Variants in TNRC6A observed in about 807,000 individuals in gnomAD.
TNRC6A encodes the protein trinucleotide repeat-containing gene 6A protein.
A neutral mutation model predicts 221.2 loss-of-function variants in TNRC6A; 44 were observed. The ratio of observed to expected loss-of-function variants is 0.20; its 90% confidence interval spans 0.16 to 0.26. The LOEUF (loss-of-function observed/expected upper bound fraction) is 0.26, where lower values mean the gene tolerates loss of function less well. Ranked by LOEUF, TNRC6A falls within the 10% of genes least tolerant of loss-of-function variation. The pLI is 1.00. For synonymous variants in TNRC6A, 847 were observed against 838.5 expected (o/e 1.01, Z -0.18); for missense variants, 2,199 against 2,404.4 (o/e 0.91, Z 1.79).
intron 23 of TNRC6A, among the ~76,000 whole-genome samples, 171 bp from the exon 24 acceptor site, chr16:24,822,703 G>A (rs1037977039): frequency 6.6e-6 from 1 of 152,146 alleles, no homozygotes; most frequent in Non-Finnish European, 1.5e-5. Context: ...CAGTGGAGGT[G>A]GGGAAGATGG....
chr16:24,721,702 G>A (rs1343358696), intron 2 of TNRC6A, among the ~76,000 whole-genome samples: 1 of 152,172 alleles, frequency 6.6e-6, no homozygotes, highest in Non-Finnish European at 1.5e-5. Flanking sequence ...AGCTACTCGT[G>A]AGGCTGAGGT....
At chr16:24,643,645 A>G (rs1902115376) in intron 2 of TNRC6A, among the ~76,000 whole-genome samples, 1 of 151,998 alleles carries the variant, frequency 6.6e-6, no homozygotes, top group South Asian at 2.1e-4. Context: ...TTGAGTCAAC[A>G]TCTTCCTCTA....
intron 1 of TNRC6A, among the ~76,000 whole-genome samples, chr16:24,632,165 A>G (rs1901381079): frequency 6.6e-6 from 1 of 152,088 alleles, no homozygotes. Flanking sequence ...TCCTTGTTTG[A>G]AAGTCTCATA....
intron 11 of TNRC6A, among the ~76,000 whole-genome samples, chr16:24,798,398 C>T (rs573586891): frequency 4.6e-5 from 7 of 152,152 alleles, no homozygotes; most frequent in Admixed American, 2.0e-4. Context: ...AAAACAAGGT[C>T]GGTGCTGAGT....
At chr16:24,748,881 T>C (rs1272119375) in intron 2 of TNRC6A, among the ~76,000 whole-genome samples, 2 of 152,136 alleles carry the variant, frequency 1.3e-5, no homozygotes, top group Non-Finnish European at 2.9e-5. Context: ...CTGCCTGATA[T>C]TCCTTTTTTT....
intron 2 of TNRC6A, among the ~76,000 whole-genome samples, chr16:24,740,420 A>AGTC (rs1225975644): frequency 2.0e-5 from 3 of 152,184 alleles, no homozygotes; most frequent in Non-Finnish European, 4.4e-5. Flanking sequence ...TATAATATTA[A>AGTC]GTCTTCCAGT....
chr16:24,702,762 G>A (rs912692113), intron 2 of TNRC6A, among the ~76,000 whole-genome samples: 1 of 152,028 alleles, frequency 6.6e-6, no homozygotes, highest in African/African-American at 2.4e-5. Context: ...ACAGCCAGGC[G>A]CAGTGGCTCA....
At chr16:24,776,721 AT>A (rs2057725566) in intron 4 of TNRC6A, 2 of 985,424 alleles carry the variant, frequency 2.0e-6, no homozygotes, top group African/African-American at 3.5e-5. Context: ...CTGGGCCCTT[AT>A]TGGGTAGGTA....
chr16:24,699,243 C>T (rs770750681), intron 2 of TNRC6A, among the ~76,000 whole-genome samples: 2 of 152,118 alleles, frequency 1.3e-5, no homozygotes, highest in Non-Finnish European at 2.9e-5. Flanking sequence ...CCTATTCGTG[C>T]CTCCACAGAC....
chr16:24,789,153 C>T (rs530589856), intron 5 of TNRC6A, 79 bp from the exon 6 acceptor site: 48 of 1,351,318 alleles, frequency 3.6e-5, no homozygotes, highest in African/African-American at 1.0e-4. Flanking sequence ...ATAACATATT[C>T]GTCATTTTTC....
At chr16:24,805,854 G>T in intron 15 of TNRC6A, 121 bp downstream of exon 15, 2 of 1,280,826 alleles carry the variant, frequency 1.6e-6, no homozygotes, top group Non-Finnish European at 2.2e-6. Flanking sequence ...AGTCCTCATG[G>T]AGCTTACAGT....
chr16:24,794,410 A>C lies in TNRC6A; in HGVS notation c.3353-134A>C, dbSNP rs900574470. 3.8e-6 allele frequency: 3 copies of C among 782,536 alleles called. No homozygotes were observed. The African/African-American group carries it at 5.3e-5, about 14-fold the overall frequency. 48.5% of individuals were successfully genotyped at this position (782,536 alleles called of 1,614,324 possible). A position where few individuals can be genotyped will look rare whatever the true frequency, so the allele number is the denominator to read the frequency against. ...TAAAACATACTTTCCTTCTGTGCAG[A>C]TGCAGGAAGGGAAATAAGTGTGCAC... On this transcript the variant is annotated intron_variant, in intron 7 of 24. Coordinates refer to ENST00000395799, the MANE Select transcript of TNRC6A (RefSeq NM_014494.4).
rs535288678 is a variant in TNRC6A at position 24,653,474 on chromosome 16, T to A, written n.402+12465T>A. Among the ~76,000 whole-genome samples the A allele has an allele frequency of 2.5e-3, 385 of 152,280 alleles. 2 individuals carry two copies. The highest frequency in any genetic ancestry group is 8.7e-3 in the African/African-American group (363 of 41,566). On this transcript the variant is annotated intron_variant and non_coding_transcript_variant, in intron 2 of 2. Coordinates refer to the TNRC6A transcript ENST00000566108. ...GGAAATAGAAGAGTAATACTAATTT[T>A]AAAAAATACTTCTATTAACTGCCAG...
At chr16:24,618,360 T>TA (rs1183995493) in intron 1 of TNRC6A, among the ~76,000 whole-genome samples, 1 of 152,228 alleles carries the variant, frequency 6.6e-6, no homozygotes, top group African/African-American at 2.4e-5. Flanking sequence ...AACAGTACCC[T>TA]ACTCCTGGTA....
At chr16:24,619,775 A>C (rs1014452667) in intron 1 of TNRC6A, among the ~76,000 whole-genome samples, 1 of 152,132 alleles carries the variant, frequency 6.6e-6, no homozygotes, top group Non-Finnish European at 1.5e-5. Context: ...TCAGTTGTAC[A>C]GGGTGTGTGT....
At chr16:24,792,613 CTTTTTTTT>C (rs34670934) in intron 6 of TNRC6A, among the ~76,000 whole-genome samples, 611 of 56,548 alleles carry the variant, frequency 0.011, 5 homozygotes, top group African/African-American at 0.047. Context: ...ACATTTATGG[CTTTTTTTT>C]TTTTTTTTTT....
chr16:24,801,716 C>CT (rs2058335269), intron 11 of TNRC6A, among the ~76,000 whole-genome samples: 2 of 152,110 alleles, frequency 1.3e-5, no homozygotes, highest in South Asian at 4.1e-4. Flanking sequence ...TCGCAAACTC[C>CT]TGCCTGCCTC....
chr16:24,810,677 G>T (rs2152032255), intron 18 of TNRC6A, among the ~76,000 whole-genome samples: 1 of 152,210 alleles, frequency 6.6e-6, no homozygotes, highest in East Asian at 1.9e-4. Context: ...CATATCTGGG[G>T]GTGAAGGTGC....
chr16:24,718,793 T>C (rs2056359575), intron 2 of TNRC6A, among the ~76,000 whole-genome samples: 1 of 151,966 alleles, frequency 6.6e-6, no homozygotes. Context: ...TCCCAGCACT[T>C]TGGGAGGCTG....
Sources: allele counts gnomAD v4.1 joint callset (sites outside exome capture counted in the v4.1 genomes callset), GRCh38; gene constraint gnomAD v4.1.1; transcripts MANE v1.5; gene names NCBI Gene and HGNC (gene_info 2026-07-23, HGNC 2026-07-21).